The following WDFY4 variants were observed in gnomAD, a reference collection of about 807,000 sequenced individuals.
WDFY4 encodes WD repeat- and FYVE domain-containing protein 4.
WDFY4 carries 169 observed loss-of-function variants against 351.9 expected under a neutral mutation model. That is an observed-to-expected ratio of 0.48 (90% confidence interval 0.42 to 0.55). WDFY4 has a LOEUF of 0.55. WDFY4 is among the 20% of genes least tolerant of loss of function. The probability of loss-of-function intolerance (pLI) is 0.00; values close to 1 mark genes in which losing one functional copy is unlikely to be tolerated. For synonymous variants in WDFY4, 1,622 were observed against 1,574.6 expected, an observed-to-expected ratio of 1.03 and a Z score of -0.71; for missense variants, 3,803 against 3,935.6, an observed-to-expected ratio of 0.97 and a Z score of 0.90.
intron 1 of WDFY4, among the ~76,000 whole-genome samples, chr10:48,703,632 TG>T (rs1322472075): frequency 1.3e-5 from 2 of 152,176 alleles, no homozygotes; most frequent in African/African-American, 4.8e-5. Context: ...AACAGCTTCT[TG>T]GCATCTTAGC....
At chr10:48,733,304 C>T (rs1047771408) in intron 9 of WDFY4, among the ~76,000 whole-genome samples, 1 of 152,158 alleles carries the variant, frequency 6.6e-6, no homozygotes, top group Non-Finnish European at 1.5e-5. Context: ...TATTTTCATT[C>T]ATTCATTCAT....
At chr10:48,886,893 C>CTCTTGA (rs2070478789) in intron 43 of WDFY4, among the ~76,000 whole-genome samples, 1 of 152,208 alleles carries the variant, frequency 6.6e-6, no homozygotes. Context: ...AAAAGTTCTA[C>CTCTTGA]TCTTTAAAGT....
rs968513895 is a variant in WDFY4, at chr10:48,840,977, G to A, written c.6663+8268G>A. Reference sequence around the variant, plus strand: ...CTAATTATCTAATTAAGTTCATTAAGCATCCACCAACAGAGCACCGTGAAG... The same window carrying A: ...CTAATTATCTAATTAAGTTCATTAAACATCCACCAACAGAGCACCGTGAAG... On this transcript the variant is annotated intron_variant, in intron 39 of 61. Transcript: ENST00000325239. 8.5e-5 allele frequency among the ~76,000 whole-genome samples: 13 copies of A among 152,270 alleles called. 1 individual carries two copies. In the Middle Eastern group the frequency reaches 0.014, roughly 159 times the overall value.
chr10:48,792,965 C>T (rs992888207), intron 23 of WDFY4, among the ~76,000 whole-genome samples: 2 of 152,116 alleles, frequency 1.3e-5, no homozygotes, highest in African/African-American at 2.4e-5. Context: ...AGGTACATAG[C>T]GCCTGCTGTC....
At chr10:48,825,189 CT>C (rs554825972) in intron 35 of WDFY4, among the ~76,000 whole-genome samples, 115 of 152,288 alleles carry the variant, frequency 7.6e-4, no homozygotes, top group Middle Eastern at 3.4e-3. Context: ...TCAGCTCACA[CT>C]TTAAGTGAGA....
rs537550924 is a variant in WDFY4, at chr10:48,827,660, T to C, written c.6221+751T>C. On this transcript the variant is annotated intron_variant, in intron 36 of 61. Transcript: ENST00000325239. ...GACAATGGGATATCACACTTTGCTG[T>C]TGTCCTTTTTCTTCATTTTATTCAT... Among the ~76,000 whole-genome samples, 6 of 151,126 alleles carry C rather than the reference T, an allele frequency of 4.0e-5. No individual in the cohort carries two copies. In the South Asian group the frequency reaches 1.3e-3, roughly 32 times the overall value.
At chr10:48,843,530 A>G (rs964811453) in intron 39 of WDFY4, among the ~76,000 whole-genome samples, 4 of 152,192 alleles carry the variant, frequency 2.6e-5, no homozygotes, top group Non-Finnish European at 4.4e-5. Context: ...ACATCCAAAA[A>G]TAAATAAATA....
At chr10:48,699,491 G>A (rs1485892367) in intron 1 of WDFY4, among the ~76,000 whole-genome samples, 1 of 152,170 alleles carries the variant, frequency 6.6e-6, no homozygotes, top group Non-Finnish European at 1.5e-5. Context: ...CTCCTGTTTT[G>A]GAGGAGCTAG....
chr10:48,758,808 C>G (rs1235122944), intron 12 of WDFY4, among the ~76,000 whole-genome samples: 4 of 152,080 alleles, frequency 2.6e-5, no homozygotes. Flanking sequence ...AAAATGTTCA[C>G]TCTTACTTCT....
chr10:48,866,785 T>C (rs1319750063), intron 39 of WDFY4, among the ~76,000 whole-genome samples: 1 of 152,260 alleles, frequency 6.6e-6, no homozygotes, highest in African/African-American at 2.4e-5. Context: ...TGTGAGTGTG[T>C]CAGCATAGGT....
chr10:48,708,858 A>C (rs1296510558), intron 1 of WDFY4, among the ~76,000 whole-genome samples: 2 of 152,210 alleles, frequency 1.3e-5, no homozygotes, highest in African/African-American at 4.8e-5. Flanking sequence ...AGAATGAGGA[A>C]TCTATCCTTA....
chr10:48,861,702 T>C (rs1304286547), intron 39 of WDFY4, among the ~76,000 whole-genome samples: 2 of 152,240 alleles, frequency 1.3e-5, no homozygotes, highest in African/African-American at 2.4e-5. Flanking sequence ...TGTTTGGAAT[T>C]TGCTTAGCTT....
In WDFY4 at chr10:48,982,642, C is replaced by T. The variant is rs766496702; in HGVS notation, c.*67C>T. ...CTGAGGGTGGCAGAGGTGACTGGGG[C>T]CTGAGCTCTGCCTACAGAAGAAACC... is the stretch of plus-strand genomic sequence containing the variant. On this transcript the variant is annotated 3_prime_UTR_variant, in exon 62 of 62. Transcript: ENST00000325239. The T allele has an allele frequency of 1.1e-5, 17 of 1,487,244 alleles. No homozygotes were observed. The highest frequency in any genetic ancestry group is 1.1e-4 in the African/African-American group (8 of 71,642). The allele number at this position is 1,487,244 out of a possible 1,614,324, so 92.1% of individuals were successfully genotyped here. A position where few individuals can be genotyped will look rare whatever the true frequency, so the allele number is the denominator to read the frequency against.
At chr10:48,776,680 GGTTATTGT>G (rs1565185033) in intron 15 of WDFY4, 62 bp from the exon 16 acceptor site, 1 of 1,366,866 alleles carries the variant, frequency 7.3e-7, no homozygotes, top group Non-Finnish European at 9.7e-7. Context: ...GATACTTTGG[GGTTATTGT>G]CAGAAGCGAG....
chr10:48,735,377 T>C (rs1261144771), intron 10 of WDFY4, among the ~76,000 whole-genome samples: 2 of 152,256 alleles, frequency 1.3e-5, no homozygotes, highest in Non-Finnish European at 2.9e-5. Context: ...GTTTGCTTTC[T>C]ATATGAATTT....
At chr10:48,972,128 A>G (rs1433494485) in intron 57 of WDFY4, among the ~76,000 whole-genome samples, 3 of 152,192 alleles carry the variant, frequency 2.0e-5, no homozygotes, top group African/African-American at 7.2e-5. Flanking sequence ...GGAATCCCAC[A>G]TGCTCTTATT....
chr10:48,713,654 TG>T (rs1216633858), intron 2 of WDFY4, among the ~76,000 whole-genome samples: 2 of 152,034 alleles, frequency 1.3e-5, no homozygotes, highest in African/African-American at 4.8e-5. Context: ...GAGTGAGAAA[TG>T]GGATTCTCAT....
chr10:48,964,088 CA>C, intron 54 of WDFY4, 34 bp downstream of exon 54: 2 of 1,545,180 alleles, frequency 1.3e-6, no homozygotes, highest in Non-Finnish European at 1.7e-6. Context: ...CTTGCTTTCT[CA>C]AAAGAGTGTG....
At chr10:48,830,046 GCTGTTA>G in intron 37 of WDFY4, among the ~76,000 whole-genome samples, 1 of 152,334 alleles carries the variant, frequency 6.6e-6, no homozygotes, top group East Asian at 1.9e-4. Context: ...GTCTCCAGGG[GCTGTTA>G]CCAGAGAGGG....
Sources: allele counts gnomAD v4.1 joint callset (sites outside exome capture counted in the v4.1 genomes callset), GRCh38; gene constraint gnomAD v4.1.1; transcripts MANE v1.5; gene names NCBI Gene and HGNC (gene_info 2026-07-23, HGNC 2026-07-21).